CD99: variants seen among roughly 807,000 people sequenced by gnomAD.
The protein encoded by CD99 is CD99 antigen.
A neutral mutation model predicts 28.4 loss-of-function variants in CD99; 19 were observed. The ratio of observed to expected loss-of-function variants is 0.67; its 90% CI spans 0.47 to 0.98. The LOEUF (loss-of-function observed/expected upper bound fraction) is 0.98. CD99 is among the 50% of genes least tolerant of loss of function. The probability of loss-of-function intolerance (pLI) is 0.00; values close to 1 mark genes in which losing one functional copy is unlikely to be tolerated. For missense variants in CD99, 283 were observed against 248.8 expected, an observed-to-expected ratio of 1.14 and a Z score of -0.92; for synonymous variants, 103 against 92.1, an observed-to-expected ratio of 1.12 and a Z score of -0.67.
At position 2,726,271 on chromosome X, in the gene CD99, G is replaced by C. The variant is rs2049277096; in HGVS notation, c.373G>C (p.Gly125Arg). ...GCTTCCTCCTGCAGCCGACGCCCCAGGCGTGATCCCCGGGATTGTGGGGGC... is the reference window on the plus strand; with the variant it reads ...GCTTCCTCCTGCAGCCGACGCCCCACGCGTGATCCCCGGGATTGTGGGGGC... The part of the protein sequence containing the change: ...RKEGEEADAP[G>R]VIPGIVGAVV... The change falls in exon 8 of 10, where the codon GGC becomes CGC. Residue 125 changes from glycine (G) to arginine (R), a missense_variant. Physicochemically the swap from Gly to Arg is moderately radical, Grantham distance 125. Transcript: ENST00000381192. 6.2e-7 allele frequency: 1 copy of C among 1,610,106 alleles called. No individual in the cohort carries two copies. Among genetic ancestry groups the C allele is most frequent in the African/African-American group, 1.3e-5 (1 of 74,814 alleles).
At chrX:2,704,071 T>C (rs2048008601) in intron 1 of CD99, among the ~76,000 whole-genome samples, 1 of 151,992 alleles carries the variant, frequency 6.6e-6, no homozygotes, top group Non-Finnish European at 1.5e-5. Flanking sequence ...AGAACGAAAA[T>C]GTCTGGGGGT....
chrX:2,707,591 G>A (rs143441979), intron 1 of CD99, among the ~76,000 whole-genome samples: 430 of 152,240 alleles, frequency 2.8e-3, no homozygotes, highest in Non-Finnish European at 5.4e-3. Context: ...GCCATCTGTC[G>A]TCCGTTCCGC....
At chrX:2,731,530 A>G (rs2049605679) in intron 8 of CD99, among the ~76,000 whole-genome samples, 1 of 152,176 alleles carries the variant, frequency 6.6e-6, no homozygotes, top group South Asian at 2.1e-4. Context: ...GCAGAGTTGC[A>G]GTGAGCCGAG....
chrX:2,721,922 G>A (rs2049010514), intron 5 of CD99, among the ~76,000 whole-genome samples: 1 of 152,098 alleles, frequency 6.6e-6, no homozygotes, highest in African/African-American at 2.4e-5. Context: ...AAATAGTTTA[G>A]ATCAACGTAT....
At chrX:2,705,336 A>G (rs1235831621) in intron 1 of CD99, among the ~76,000 whole-genome samples, 2 of 152,204 alleles carry the variant, frequency 1.3e-5, no homozygotes, top group African/African-American at 4.8e-5. Context: ...CCAGCACTGG[A>G]GTATTTCTGA....
chrX:2,718,723 G>T (rs1326868897), intron 3 of CD99, among the ~76,000 whole-genome samples: 1 of 152,180 alleles, frequency 6.6e-6, no homozygotes, highest in African/African-American at 2.4e-5. Flanking sequence ...TGATGGAATT[G>T]CCCAAGGGTC....
At chrX:2,696,613 G>T (rs1202865139) in intron 1 of CD99, among the ~76,000 whole-genome samples, 1 of 152,032 alleles carries the variant, frequency 6.6e-6, no homozygotes, top group Non-Finnish European at 1.5e-5. Context: ...ATCTTGGCCA[G>T]GCTGGTTTCG....
chrX:2,691,496 G>T lies in CD99; in HGVS notation c.67+69G>T, dbSNP rs781755594. 8 of 1,502,348 alleles carry T rather than the reference G, an allele frequency of 5.3e-6. No individual in the cohort carries two copies. In the Admixed American group the frequency reaches 1.6e-4, roughly 29 times the overall value. The allele number at this position is 1,502,348 out of a possible 1,614,324, so 93.1% of individuals were successfully genotyped here. On this transcript the variant is annotated intron_variant, in intron 1 of 9. Transcript: ENST00000381192. ...GGGCCGGGACTGGGGATCCGCTTGAGATGCGGCGTTGGGGGCGCCCCGCGG... is the reference window on the plus strand; with the variant it reads ...GGGCCGGGACTGGGGATCCGCTTGATATGCGGCGTTGGGGGCGCCCCGCGG...
At chrX:2,723,445 A>G (rs906222054) in intron 7 of CD99, 81 bp downstream of exon 7, 1 of 1,511,928 alleles carries the variant, frequency 6.6e-7, no homozygotes, top group Non-Finnish European at 9.2e-7. Flanking sequence ...GAGCTGGCGG[A>G]CTGCACTGGC....
At chrX:2,704,239 C>T (rs2048016718) in intron 1 of CD99, among the ~76,000 whole-genome samples, 2 of 152,056 alleles carry the variant, frequency 1.3e-5, no homozygotes, top group Admixed American at 6.5e-5. Flanking sequence ...TTATGGCACA[C>T]GAACAAAAGA....
intron 8 of CD99, among the ~76,000 whole-genome samples, chrX:2,732,675 TCTTC>T: frequency 1.3e-5 from 2 of 149,384 alleles, no homozygotes; most frequent in Middle Eastern, 3.7e-3. Flanking sequence ...TCTCTTCCTT[TCTTC>T]CTTCTCTTTT....
At chrX:2,727,478 C>T (rs1225089998) in intron 8 of CD99, 1 of 691,486 alleles carries the variant, frequency 1.4e-6, no homozygotes, top group East Asian at 2.7e-5. Flanking sequence ...AACAGCTACT[C>T]TTATTTTTTA....
chrX:2,718,570 C>T (rs2048850521), intron 3 of CD99, among the ~76,000 whole-genome samples: 1 of 151,910 alleles, frequency 6.6e-6, no homozygotes, highest in Non-Finnish European at 1.5e-5. Flanking sequence ...GGGGTTTCAC[C>T]ATGTTAGCCA....
At chrX:2,736,165 G>A (rs1341712695) in intron 8 of CD99, among the ~76,000 whole-genome samples, 1 of 149,914 alleles carries the variant, frequency 6.7e-6, no homozygotes, top group Non-Finnish European at 1.5e-5. Context: ...TCGCGCCACT[G>A]CGTTCCAGCC....
intron 8 of CD99, among the ~76,000 whole-genome samples, chrX:2,736,820 G>A (rs1392834938): frequency 6.6e-6 from 1 of 151,868 alleles, no homozygotes; most frequent in Non-Finnish European, 1.5e-5. Context: ...TCGCGCCACT[G>A]CACTCCAGCC....
chrX:2,727,171 A>T (rs1223914157), intron 8 of CD99: 6 of 709,768 alleles, frequency 8.5e-6, no homozygotes, highest in Non-Finnish European at 1.6e-5. Flanking sequence ...AGCACAGCGG[A>T]TTCCCTTTCT....
In CD99 at chrX:2,702,294, C is replaced by T. The variant is rs768647799; in HGVS notation, c.67+10867C>T. The stretch of plus-strand genomic sequence containing the variant: ...CAGGTAGAGGATCCAATGAGGCAGA[C>T]GAGGGGCCCAAATTCTGTGACCCCC... On this transcript the variant is annotated intron_variant, in intron 1 of 9. Transcript: ENST00000381192. 1.1e-4 allele frequency among the ~76,000 whole-genome samples: 16 copies of T among 152,192 alleles called. No homozygotes were observed. In the East Asian group the frequency reaches 2.3e-3, roughly 22 times the overall value.
chrX:2,719,485 T>TA (rs1242883617), intron 3 of CD99, 176 bp from the exon 4 acceptor site: 3 of 677,642 alleles, frequency 4.4e-6, no homozygotes, highest in Non-Finnish European at 8.1e-6. Context: ...TCTGAGAGAA[T>TA]AGTGATGTAA....
chrX:2,692,737 C>G (rs2047387470), intron 1 of CD99, among the ~76,000 whole-genome samples: 1 of 152,184 alleles, frequency 6.6e-6, no homozygotes, highest in Non-Finnish European at 1.5e-5. Context: ...TGCATTTGTT[C>G]CCCAGGCACC....
Sources: gnomAD v4.1 joint callset for allele counts (sites outside exome capture counted in the v4.1 genomes callset) on GRCh38, gnomAD v4.1.1 for gene constraint, MANE v1.5 for transcripts, NCBI Gene and HGNC (gene_info 2026-07-23, HGNC 2026-07-21) for gene names.